EBF3: variants seen among roughly 807,000 people sequenced by gnomAD.
EBF3 encodes EBF transcription factor 3.
In EBF3, 18 loss-of-function variants were observed where a neutral mutation model predicts 77.1. That is an observed-to-expected ratio of 0.23 (90% confidence interval 0.16 to 0.35). The LOEUF is 0.35. Ranked by LOEUF, EBF3 falls within the 10% of genes least tolerant of loss-of-function variation. EBF3 has a pLI of 1.00. For synonymous variants in EBF3, 350 were observed against 343.5 expected, an observed-to-expected ratio of 1.02 and a Z score of -0.21; for missense variants, 558 against 860.0, an observed-to-expected ratio of 0.65 and a Z score of 4.39.
At position 129,840,287 on chromosome 10, in the gene EBF3, G is replaced by A. The variant is rs751008113; in HGVS notation, c.1717C>T (p.Pro573Ser). Residue 573 changes from proline to serine, a missense_variant, in exon 15 of 17, where the codon CCT becomes TCT. Coordinates refer to ENST00000440978, the MANE Select transcript of EBF3 (RefSeq NM_001375380.1). ...FAPVVRPQASPPPSCTSANGN... is the reference protein window; with the variant it reads ...FAPVVRPQASSPPSCTSANGN... Reference sequence around the variant, plus strand: ...TTGGCGCTGGTGCAGGAAGGAGGAGGAGAGGCTTGGGGCCGGACCACGGGC... The same window carrying A: ...TTGGCGCTGGTGCAGGAAGGAGGAGAAGAGGCTTGGGGCCGGACCACGGGC... 5 of 1,595,770 alleles carry A rather than the reference G, an allele frequency of 3.1e-6. No homozygotes were observed. In the East Asian group the frequency reaches 9.1e-5, roughly 29 times the overall value.
At position 129,879,406 on chromosome 10, in the gene EBF3, T is replaced by C. The variant is rs890438981; in HGVS notation, c.555-1557A>G. On this transcript the variant is annotated intron_variant, in intron 6 of 16. Transcript: ENST00000440978. This position sits in a 1 kb window ranked among gnomAD's most constrained non-coding sequence, Gnocchi z 4.7. Reference sequence around the variant, plus strand: ...TTGATGAAGTTTCACATGATTTTCTTACGTTCAAGGTTCCTCGCTGGCAAT... The same window carrying C: ...TTGATGAAGTTTCACATGATTTTCTCACGTTCAAGGTTCCTCGCTGGCAAT... 5.9e-5 allele frequency among the ~76,000 whole-genome samples: 9 copies of C among 152,202 alleles called. No homozygotes were observed. Among genetic ancestry groups the C allele is most frequent in the African/African-American group, 2.2e-4 (9 of 41,446 alleles).
intron 8 of EBF3, among the ~76,000 whole-genome samples, chr10:129,871,075 G>A (rs772826735): frequency 3.3e-5 from 5 of 152,264 alleles, no homozygotes; most frequent in South Asian, 4.1e-4. Flanking sequence ...CCATCTGTTC[G>A]CTTTAACTCG....
At chr10:129,871,739 T>A (rs1380163011) in intron 8 of EBF3, among the ~76,000 whole-genome samples, 1 of 152,180 alleles carries the variant, frequency 6.6e-6, no homozygotes, top group African/African-American at 2.4e-5. Context: ...TACAAAAAAA[T>A]AAATAACCCT....
At chr10:129,927,511 A>G (rs906538549) in intron 6 of EBF3, among the ~76,000 whole-genome samples, 1 of 152,102 alleles carries the variant, frequency 6.6e-6, no homozygotes, top group Non-Finnish European at 1.5e-5. Context: ...CCCACCAGAG[A>G]GACTCCAACA....
chr10:129,931,200 G>A (rs1299328650), intron 6 of EBF3, among the ~76,000 whole-genome samples: 1 of 152,162 alleles, frequency 6.6e-6, no homozygotes, highest in East Asian at 1.9e-4. Context: ...ATACCTATGG[G>A]TTTGTGGTTT....
chr10:129,962,386 C>T (rs1859593456), intron 3 of EBF3, among the ~76,000 whole-genome samples, 160 bp from the exon 4 acceptor site: 1 of 151,978 alleles, frequency 6.6e-6, no homozygotes, highest in Non-Finnish European at 1.5e-5. Context: ...CCCACCACTT[C>T]TCGCTTAATT....
intron 3 of EBF3, among the ~76,000 whole-genome samples, chr10:129,962,592 T>TA (rs201303726): frequency 2.0e-4 from 30 of 150,638 alleles, no homozygotes; most frequent in Non-Finnish European, 3.1e-4. Flanking sequence ...TCTCGAGGAT[T>TA]TAAAAAAAAA....
intron 6 of EBF3, among the ~76,000 whole-genome samples, chr10:129,883,863 G>A (rs756813745): frequency 9.9e-5 from 15 of 152,160 alleles, no homozygotes; most frequent in Non-Finnish European, 2.2e-4. Context: ...ACAACCTTGT[G>A]AGTGCACTAA....
chr10:129,946,604 T>C (rs1178111917), intron 6 of EBF3, among the ~76,000 whole-genome samples: 3 of 152,216 alleles, frequency 2.0e-5, no homozygotes, highest in African/African-American at 7.2e-5. Flanking sequence ...AAGTTTATTT[T>C]TGTTTCTGAG....
chr10:129,889,307 C>T (rs986639026), intron 6 of EBF3, among the ~76,000 whole-genome samples: 4 of 152,180 alleles, frequency 2.6e-5, no homozygotes, highest in Admixed American at 6.5e-5. Flanking sequence ...GGCACAGGAG[C>T]GTGGTCCCGC....
At chr10:129,904,600 A>T (rs1855005271) in intron 6 of EBF3, among the ~76,000 whole-genome samples, 1 of 151,622 alleles carries the variant, frequency 6.6e-6, no homozygotes, top group Non-Finnish European at 1.5e-5. Context: ...AAATGGATGG[A>T]TGGATAGACG....
At chr10:129,924,383 C>G (rs1225802650) in intron 6 of EBF3, among the ~76,000 whole-genome samples, 1 of 150,866 alleles carries the variant, frequency 6.6e-6, no homozygotes, top group African/African-American at 2.5e-5. Context: ...CCACTTCACT[C>G]CAGCCTGGGC....
intron 6 of EBF3, among the ~76,000 whole-genome samples, chr10:129,891,235 T>G (rs779968030): frequency 2.0e-5 from 3 of 152,200 alleles, no homozygotes; most frequent in Non-Finnish European, 2.9e-5. Flanking sequence ...AAATTTTCTC[T>G]GTGTTAAGCT....
At chr10:129,941,112 T>C (rs1857704873) in intron 6 of EBF3, among the ~76,000 whole-genome samples, 1 of 152,224 alleles carries the variant, frequency 6.6e-6, no homozygotes, top group African/African-American at 2.4e-5. Context: ...GGAAAATGCG[T>C]TTATTTTAAA....
In EBF3 at chr10:129,944,714, A is replaced by C. The variant is rs1436650901; in HGVS notation, c.554+12544T>G. Among the ~76,000 whole-genome samples the C allele has an allele frequency of 6.6e-6, 1 of 152,042 alleles. No homozygotes were observed. Among genetic ancestry groups the C allele is most frequent in the African/African-American group, 2.4e-5 (1 of 41,392 alleles). ...GTTATACGTATGCCCCATGAATCTCATTTTATGCGATTAAGATCCATAAAA... is the reference window on the plus strand; with the variant it reads ...GTTATACGTATGCCCCATGAATCTCCTTTTATGCGATTAAGATCCATAAAA... On this transcript the variant is annotated intron_variant, in intron 6 of 16. Transcript: ENST00000440978. This position sits in a 1 kb window ranked among gnomAD's most constrained non-coding sequence, Gnocchi z 5.1.
chr10:129,888,808 T>C (rs1853801296), intron 6 of EBF3, among the ~76,000 whole-genome samples: 1 of 152,234 alleles, frequency 6.6e-6, no homozygotes, highest in Non-Finnish European at 1.5e-5. Context: ...ATAAACCAGC[T>C]AATTATAAAT....
intron 7 of EBF3, among the ~76,000 whole-genome samples, chr10:129,874,695 G>A (rs1214534715): frequency 2.0e-5 from 3 of 152,290 alleles, no homozygotes; most frequent in Non-Finnish European, 4.4e-5. Context: ...AGCACCACCC[G>A]AGGGAACCAC....
intron 16 of EBF3, 123 bp from the exon 17 acceptor site, chr10:129,838,083 G>A (rs575543246): frequency 8.8e-5 from 106 of 1,197,754 alleles, no homozygotes; most frequent in Non-Finnish European, 1.1e-4. Context: ...GCACAGTTCC[G>A]TCCACCAGCC....
At chr10:129,910,275 G>C (rs573867638) in intron 6 of EBF3, among the ~76,000 whole-genome samples, 1 of 152,300 alleles carries the variant, frequency 6.6e-6, no homozygotes, top group Non-Finnish European at 1.5e-5. Flanking sequence ...CAAGTCCCTT[G>C]GCCAGTACGG....
Sources: allele counts gnomAD v4.1 joint callset (sites outside exome capture counted in the v4.1 genomes callset), GRCh38; gene constraint gnomAD v4.1.1; non-coding constraint Gnocchi (gnomAD v3.1); transcripts MANE v1.5; gene names NCBI Gene and HGNC (gene_info 2026-07-23, HGNC 2026-07-21).